IGF2BP2: variants seen among roughly 807,000 people sequenced by gnomAD.
IGF2BP2 encodes insulin like growth factor 2 mRNA binding protein 2, also known as insulin-like growth factor 2 mRNA-binding protein 2.
A neutral mutation model predicts 75.8 loss-of-function variants in IGF2BP2; 17 were observed. That is an observed-to-expected ratio of 0.22 (90% CI 0.15 to 0.34). The LOEUF (loss-of-function observed/expected upper bound fraction) is 0.34. Among genes scored for constraint, IGF2BP2 ranks in the 10% least tolerant of loss-of-function variants. The pLI, the probability that IGF2BP2 is intolerant of heterozygous loss-of-function variation, is 1.00. For missense variants in IGF2BP2, 516 were observed against 772.4 expected, an observed-to-expected ratio of 0.67 and a Z score of 3.93; for synonymous variants, 288 against 295.6, an observed-to-expected ratio of 0.97 and a Z score of 0.26.
intron 2 of IGF2BP2, among the ~76,000 whole-genome samples, chr3:185,734,837 T>C (rs1242570569): frequency 1.3e-5 from 2 of 152,228 alleles, no homozygotes; most frequent in East Asian, 3.9e-4. Flanking sequence ...GATGCCAGGC[T>C]GCCTGGGTTC....
At chr3:185,792,719 TC>T (rs1736820662) in intron 2 of IGF2BP2, among the ~76,000 whole-genome samples, 1 of 148,378 alleles carries the variant, frequency 6.7e-6, no homozygotes, top group East Asian at 2.0e-4. Flanking sequence ...TGAGCCGAGA[TC>T]ATGCCACTGT....
intron 2 of IGF2BP2, among the ~76,000 whole-genome samples, chr3:185,738,134 A>G (rs907613096): frequency 6.6e-5 from 10 of 152,208 alleles, no homozygotes; most frequent in African/African-American, 2.2e-4. Context: ...ATCTAAAATA[A>G]ATTCATTTCT....
chr3:185,794,638 C>CATT (rs1553891802), intron 2 of IGF2BP2, among the ~76,000 whole-genome samples: 1 of 148,690 alleles, frequency 6.7e-6, no homozygotes, highest in African/African-American at 2.5e-5. Flanking sequence ...GAGGTCACAT[C>CATT]TTTTTTTTTC....
At chr3:185,752,424 G>A (rs569918233) in intron 2 of IGF2BP2, among the ~76,000 whole-genome samples, 1 of 152,052 alleles carries the variant, frequency 6.6e-6, no homozygotes, top group African/African-American at 2.4e-5. Flanking sequence ...TGTAATATTA[G>A]GTAGCAGGTG....
chr3:185,747,308 A>G (rs1730371516), intron 2 of IGF2BP2, among the ~76,000 whole-genome samples: 1 of 152,144 alleles, frequency 6.6e-6, no homozygotes, highest in South Asian at 2.1e-4. Context: ...CACTATCCTT[A>G]TGTTATGGTA....
intron 11 of IGF2BP2, 68 bp from the exon 12 acceptor site, chr3:185,657,470 T>C: frequency 8.3e-7 from 1 of 1,205,748 alleles, no homozygotes; most frequent in Non-Finnish European, 1.2e-6. Context: ...ACTCAACAGG[T>C]ACCAAGCACC....
At chr3:185,649,698 G>A (rs1714239136) in intron 13 of IGF2BP2, among the ~76,000 whole-genome samples, 164 bp from the exon 14 acceptor site, 1 of 152,164 alleles carries the variant, frequency 6.6e-6, no homozygotes, top group Non-Finnish European at 1.5e-5. Context: ...TCACAGACCT[G>A]GGGGGCGCTG....
chr3:185,701,085 T>A (rs552750858), intron 2 of IGF2BP2, among the ~76,000 whole-genome samples: 1 of 152,242 alleles, frequency 6.6e-6, no homozygotes, highest in Non-Finnish European at 1.5e-5. Flanking sequence ...CTAACTTTTT[T>A]ATATTTTTTT....
chr3:185,741,979 T>C (rs946135023), intron 2 of IGF2BP2, among the ~76,000 whole-genome samples: 1 of 152,208 alleles, frequency 6.6e-6, no homozygotes, highest in African/African-American at 2.4e-5. Flanking sequence ...AAAAATGGTG[T>C]TGTATGTTAT....
At chr3:185,709,624 T>C (rs1250198852) in intron 2 of IGF2BP2, among the ~76,000 whole-genome samples, 2 of 152,252 alleles carry the variant, frequency 1.3e-5, no homozygotes. Flanking sequence ...ATAACAGATG[T>C]TGATCTTATT....
At chr3:185,804,006 C>G (rs1446770538) in intron 2 of IGF2BP2, among the ~76,000 whole-genome samples, 1 of 152,210 alleles carries the variant, frequency 6.6e-6, no homozygotes, top group Admixed American at 6.5e-5. Flanking sequence ...CGCCTATAAT[C>G]CCAGCACTTT....
Position 185,643,257 on chromosome 3 carries a change from C to G in IGF2BP2, c.*2274G>C, listed in dbSNP as rs1021160229. Among the ~76,000 whole-genome samples the G allele has an allele frequency of 8.5e-5, 13 of 152,288 alleles. No individual in the cohort carries two copies. The highest frequency in any genetic ancestry group is 2.9e-4 in the African/African-American group (12 of 41,556). On this transcript the variant is annotated 3_prime_UTR_variant, in exon 16 of 16. Coordinates refer to ENST00000382199, the MANE Select transcript of IGF2BP2 (RefSeq NM_006548.6). ...CCCGTGGAGGCGTGAAGTGCCTCTT[C>G]CCGGAACTGCCGGGCATATTATCCT... is the stretch of plus-strand genomic sequence containing the variant.
At chr3:185,697,772 C>A (rs1722772552) in intron 3 of IGF2BP2, among the ~76,000 whole-genome samples, 1 of 151,930 alleles carries the variant, frequency 6.6e-6, no homozygotes, top group South Asian at 2.1e-4. Flanking sequence ...ATTGCTTGAA[C>A]CTAAGAGTTC....
At chr3:185,715,060 G>A (rs1057410117) in intron 2 of IGF2BP2, among the ~76,000 whole-genome samples, 2 of 152,206 alleles carry the variant, frequency 1.3e-5, no homozygotes, top group Non-Finnish European at 2.9e-5. Context: ...GGGTGCCTGA[G>A]GGGCAAGACA....
At chr3:185,650,293 A>G (rs1466429914) in intron 13 of IGF2BP2, among the ~76,000 whole-genome samples, 1 of 151,622 alleles carries the variant, frequency 6.6e-6, no homozygotes, top group Non-Finnish European at 1.5e-5. Context: ...TTTTTTAGTG[A>G]AAAAGAACCA....
intron 2 of IGF2BP2, among the ~76,000 whole-genome samples, chr3:185,710,307 A>G (rs1458510051): frequency 6.6e-6 from 1 of 152,086 alleles, no homozygotes; most frequent in East Asian, 1.9e-4. Flanking sequence ...TGGGGTAGGT[A>G]TTGTGTGCAT....
intron 2 of IGF2BP2, among the ~76,000 whole-genome samples, chr3:185,788,291 G>A (rs58799410): frequency 0.081 from 12,373 of 152,116 alleles, 789 homozygotes; most frequent in African/African-American, 0.18. Flanking sequence ...AGGCCGAGGT[G>A]GGCTGATCGC....
chr3:185,772,078 G>A (rs988821270), intron 2 of IGF2BP2, among the ~76,000 whole-genome samples: 1 of 152,126 alleles, frequency 6.6e-6, no homozygotes, highest in African/African-American at 2.4e-5. Context: ...AAAGGCTCTA[G>A]ATAATACATT....
At chr3:185,715,472 C>T (rs1019980808) in intron 2 of IGF2BP2, among the ~76,000 whole-genome samples, 11 of 152,146 alleles carry the variant, frequency 7.2e-5, no homozygotes, top group Admixed American at 1.3e-4. Flanking sequence ...GCCAGCAGCA[C>T]TAACTTTCTT....
Sources: allele counts gnomAD v4.1 joint callset (sites outside exome capture counted in the v4.1 genomes callset), GRCh38; gene constraint gnomAD v4.1.1; transcripts MANE v1.5; gene names NCBI Gene and HGNC (gene_info 2026-07-23, HGNC 2026-07-21).